The following PIWIL2 variants were observed in gnomAD, a reference collection of about 807,000 sequenced individuals.
The protein encoded by PIWIL2 is piwi like RNA-mediated gene silencing 2, also known as piwi-like protein 2.
In PIWIL2, 81 loss-of-function variants were observed where a neutral mutation model predicts 116.5. The observed-to-expected ratio is 0.70, with a 90% CI of 0.58 to 0.84. The LOEUF (loss-of-function observed/expected upper bound fraction) is 0.84. Among genes scored for constraint, PIWIL2 ranks in the 40% least tolerant of loss-of-function variants. PIWIL2 has a pLI of 0.00. For missense variants in PIWIL2, 1,272 were observed against 1,212.3 expected (o/e 1.05, Z -0.73); for synonymous variants, 489 against 429.5 (o/e 1.14, Z -1.71).
rs546747728 is a variant in PIWIL2 at position 22,327,428 on chromosome 8, C to T, written c.2403+9153C>T. 4.1e-5 allele frequency among the ~76,000 whole-genome samples: 6 copies of T among 145,356 alleles called. No individual in the cohort carries two copies. In the East Asian group the frequency reaches 6.0e-4, roughly 15 times the overall value. ...TGTTGCCCAGGCTGGAGTGCAATGG[C>T]GCGATCTTGACTCACCACAACCTCC... On this transcript the variant is annotated intron_variant, in intron 20 of 22. Coordinates refer to ENST00000356766, the MANE Select transcript of PIWIL2 (RefSeq NM_018068.5).
chr8:22,340,199 T>C (rs1035882057), intron 20 of PIWIL2, among the ~76,000 whole-genome samples: 1 of 143,046 alleles, frequency 7.0e-6, no homozygotes, highest in Non-Finnish European at 1.5e-5. Flanking sequence ...ATTACAGACA[T>C]GTGCCACCAT....
intron 10 of PIWIL2, among the ~76,000 whole-genome samples, chr8:22,300,254 C>G (rs1400318292): frequency 2.6e-5 from 4 of 152,016 alleles, no homozygotes; most frequent in Non-Finnish European, 4.4e-5. Flanking sequence ...CAGCAGCCCA[C>G]CCACCCACCT....
Position 22,315,158 on chromosome 8 carries a change from G to C in PIWIL2, c.2208+13G>C, listed in dbSNP as rs750741438. ...GGATATTCCTCTGGTGAGTGATGCC[G>C]AGATGGTTCAGTTTGCCTCTCCAGA... On this transcript the variant is annotated intron_variant, in intron 18 of 22. Transcript: ENST00000356766. 1 of 1,387,004 alleles carries C rather than the reference G, an allele frequency of 7.2e-7. No individual in the cohort carries two copies. Among genetic ancestry groups the C allele is most frequent in the Non-Finnish European group, 1.0e-6 (1 of 973,114 alleles). 85.9% of individuals were successfully genotyped at this position (1,387,004 alleles called of 1,614,324 possible).
chr8:22,279,582 A>G lies in PIWIL2; in HGVS notation c.196A>G (p.Arg66Gly). 6.2e-7 allele frequency: 1 copy of G among 1,613,880 alleles called. No homozygotes were observed. Among genetic ancestry groups the G allele is most frequent in the Non-Finnish European group, 8.5e-7 (1 of 1,179,754 alleles). Reference protein sequence around the residue: ...EPSTQRGPAQRESVGLVSMFR... With the variant: ...EPSTQRGPAQGESVGLVSMFR... ...AAGCACACAGAGGGGGCCAGCACAAAGGGTAAGACCACTTCCGGATGCATA... is the reference window on the plus strand; with the variant it reads ...AAGCACACAGAGGGGGCCAGCACAAGGGGTAAGACCACTTCCGGATGCATA... The change falls in exon 2 of 23, where the codon AGG becomes GGG. Residue 66 changes from arginine (R) to glycine (G), a missense_variant and splice_region_variant. Transcript: ENST00000356766.
intron 20 of PIWIL2, among the ~76,000 whole-genome samples, chr8:22,319,414 G>T (rs148239273): frequency 6.6e-6 from 1 of 152,118 alleles, no homozygotes; most frequent in Non-Finnish European, 1.5e-5. Context: ...TTCGAAGTTT[G>T]ATCTGTCTTC....
At chr8:22,311,975 G>T (rs1212266367) in intron 16 of PIWIL2, among the ~76,000 whole-genome samples, 1 of 151,996 alleles carries the variant, frequency 6.6e-6, no homozygotes, top group Non-Finnish European at 1.5e-5. Context: ...TTGAGAGATT[G>T]GGTCAGCTGG....
At chr8:22,286,912 G>C (rs1036880558) in intron 6 of PIWIL2, among the ~76,000 whole-genome samples, 5 of 151,828 alleles carry the variant, frequency 3.3e-5, no homozygotes, top group African/African-American at 9.7e-5. Context: ...ATGAGCCACC[G>C]AGCCAGGGCA....
At position 22,315,015 on chromosome 8, in the gene PIWIL2, T is replaced by G. The variant is rs1831421914; in HGVS notation, c.2092-14T>G. 4 of 1,516,044 alleles carry G rather than the reference T, an allele frequency of 2.6e-6. No homozygotes were observed. The highest frequency in any genetic ancestry group is 3.7e-6 in the Non-Finnish European group (4 of 1,091,020). 93.9% of individuals were successfully genotyped at this position (1,516,044 alleles called of 1,614,324 possible). On this transcript the variant is annotated splice_polypyrimidine_tract_variant and intron_variant, in intron 17 of 22. Transcript: ENST00000356766. Reference sequence around the variant, plus strand: ...ACCTGCTTCTCCTGACACCTTTTGGTCCCTTCATTATAGGTTGTCAATGTT... The same window carrying G: ...ACCTGCTTCTCCTGACACCTTTTGGGCCCTTCATTATAGGTTGTCAATGTT...
intron 20 of PIWIL2, among the ~76,000 whole-genome samples, chr8:22,327,576 A>G (rs1295945989): frequency 1.3e-5 from 2 of 152,000 alleles, no homozygotes; most frequent in African/African-American, 4.8e-5. Flanking sequence ...CATGTTGGTC[A>G]GGCTGGTCTC....
At chr8:22,308,117 C>T (rs371586900) in intron 14 of PIWIL2, 44 bp downstream of exon 14, 123 of 1,498,230 alleles carry the variant, frequency 8.2e-5, no homozygotes, top group Non-Finnish European at 1.0e-4. Context: ...TACAGAGACA[C>T]GTGTGCAATA....
chr8:22,282,884 C>G, intron 4 of PIWIL2, 150 bp from the exon 5 acceptor site: 1 of 672,122 alleles, frequency 1.5e-6, no homozygotes. Context: ...GCCACTGTGC[C>G]TGGCCTTGGC....
intron 20 of PIWIL2, among the ~76,000 whole-genome samples, chr8:22,328,703 A>T (rs1314983762): frequency 6.6e-6 from 1 of 151,842 alleles, no homozygotes; most frequent in Non-Finnish European, 1.5e-5. Flanking sequence ...TTGTAAATGG[A>T]ATAGTTTTAA....
At chr8:22,296,933 CA>C (rs149467264) in intron 10 of PIWIL2, among the ~76,000 whole-genome samples, 7,556 of 152,024 alleles carry the variant, frequency 0.05, 293 homozygotes, top group Admixed American at 0.086. Flanking sequence ...CTGGATTTGG[CA>C]GTTATTTTCT....
Position 22,288,625 on chromosome 8 carries a change from C to T in PIWIL2, c.945C>T (p.Cys315=). The T allele has an allele frequency of 6.2e-7, 1 of 1,613,618 alleles. No homozygotes were observed. The highest frequency in any genetic ancestry group is 8.5e-7 in the Non-Finnish European group (1 of 1,179,554). ...AGATGACAAAGATCCTGGAGCCCTG[C>T]TCTGACCTGTGCATTCCCTTCTACA... ...KIQMTKILEP[C]SDLCIPFYNV... The change falls in exon 8 of 23, where the codon TGC becomes TGT. Residue 315 remains cysteine, a synonymous_variant. Coordinates refer to ENST00000356766, the MANE Select transcript of PIWIL2 (RefSeq NM_018068.5).
intron 6 of PIWIL2, among the ~76,000 whole-genome samples, chr8:22,285,359 T>C (rs1025517562): frequency 6.6e-6 from 1 of 152,232 alleles, no homozygotes; most frequent in African/African-American, 2.4e-5. Flanking sequence ...TCACTTACCA[T>C]AATACTCTCC....
At chr8:22,351,784 C>T (rs922649448) in intron 20 of PIWIL2, among the ~76,000 whole-genome samples, 3 of 151,356 alleles carry the variant, frequency 2.0e-5, no homozygotes, top group Non-Finnish European at 1.5e-5. Context: ...GGTGATCCAC[C>T]CACCTCGGCC....
intron 20 of PIWIL2, among the ~76,000 whole-genome samples, chr8:22,323,119 G>A (rs1831641960): frequency 6.8e-6 from 1 of 147,180 alleles, no homozygotes; most frequent in Non-Finnish European, 1.5e-5. Flanking sequence ...TCACTGTGTG[G>A]GCTAGGGCTA....
intron 11 of PIWIL2, among the ~76,000 whole-genome samples, chr8:22,304,556 CAA>C (rs1022184282): frequency 1.3e-5 from 2 of 152,172 alleles, no homozygotes; most frequent in Non-Finnish European, 2.9e-5. Flanking sequence ...ATGTTTTTAA[CAA>C]AGTCTTTCTT....
intron 20 of PIWIL2, among the ~76,000 whole-genome samples, chr8:22,344,923 C>T (rs1832191237): frequency 6.6e-6 from 1 of 152,074 alleles, no homozygotes; most frequent in Admixed American, 6.6e-5. Context: ...AAAGTCTTGT[C>T]CAGGACATGG....
Sources: allele counts gnomAD v4.1 joint callset (sites outside exome capture counted in the v4.1 genomes callset), GRCh38; gene constraint gnomAD v4.1.1; transcripts MANE v1.5; gene names NCBI Gene and HGNC (gene_info 2026-07-23, HGNC 2026-07-21).